RNLS: variants seen among roughly 807,000 people sequenced by gnomAD.
RNLS encodes renalase.
In RNLS, 39 loss-of-function variants were observed where a neutral mutation model predicts 39.8. That is an observed-to-expected ratio of 0.98 (90% CI 0.76 to 1.28). RNLS has a LOEUF of 1.28. Ranked by LOEUF, RNLS falls within the 50% of genes most tolerant of loss-of-function variation. RNLS has a pLI of 0.00. For missense variants in RNLS, 410 were observed against 413.3 expected, an observed-to-expected ratio of 0.99 and a Z score of 0.07; for synonymous variants, 147 against 150.7, an observed-to-expected ratio of 0.98 and a Z score of 0.18.
At chr10:88,179,844 G>T in the RNLS span, among the ~76,000 whole-genome samples, 1 of 152,310 alleles carries the variant, frequency 6.6e-6, no homozygotes, top group Non-Finnish European at 1.5e-5. Context: ...ATCCACATTT[G>T]GAGACGGACT....
In RNLS at chr10:88,284,734, A is replaced by G. The variant is rs1843152412; in HGVS notation, c.*620T>C. 2.0e-6 allele frequency: 2 copies of G among 985,250 alleles called. No individual in the cohort carries two copies. The highest frequency in any genetic ancestry group is 3.5e-5 in the African/African-American group (2 of 57,238). The allele number at this position is 985,250 out of a possible 1,614,324, so 61.0% of individuals were successfully genotyped here. A position where few individuals can be genotyped will look rare whatever the true frequency, so the allele number is the denominator to read the frequency against. On this transcript the variant is annotated 3_prime_UTR_variant, in exon 7 of 7. Transcript: ENST00000331772. ...AAAGTACTGTGTGGCTGGGAAAATC[A>G]TGTGGAATCTTATACTTTCTGAAAA...
intron 4 of RNLS, among the ~76,000 whole-genome samples, chr10:88,556,891 C>A (rs1848905425): frequency 6.6e-6 from 1 of 152,052 alleles, no homozygotes; most frequent in Non-Finnish European, 1.5e-5. Context: ...CATAGATATT[C>A]ACTTATTTTT....
chr10:88,430,605 A>G (rs1273636612), intron 4 of RNLS, among the ~76,000 whole-genome samples: 1 of 151,860 alleles, frequency 6.6e-6, no homozygotes, highest in East Asian at 1.9e-4. Context: ...TTTTTTTACT[A>G]CGAAGTATGG....
the RNLS span, among the ~76,000 whole-genome samples, chr10:88,202,961 T>A: frequency 6.6e-6 from 1 of 152,038 alleles, no homozygotes; most frequent in African/African-American, 2.4e-5. Flanking sequence ...CAGTTTAAAC[T>A]GCTCTTGGTG....
chr10:88,226,405 GAGGTCCCAGCTCCAGCTGGGACTCAAA>G, the RNLS span, among the ~76,000 whole-genome samples: 1 of 152,220 alleles, frequency 6.6e-6, no homozygotes, highest in Non-Finnish European at 1.5e-5. Context: ...TAAGACTTAT[GAGGTCCCAGCTCCAGCTGGGACTCAAA>G]ATCATGTTTC....
In RNLS at chr10:88,395,293, T is replaced by C. The variant is rs550785031; in HGVS notation, c.527-32568A>G. Reference sequence around the variant, plus strand: ...AGACATTGTACTTACTAGACAAAGATTTAAATAAGCCATTTTAGTTGCATT... The same window carrying C: ...AGACATTGTACTTACTAGACAAAGACTTAAATAAGCCATTTTAGTTGCATT... On this transcript the variant is annotated intron_variant, in intron 4 of 6. Transcript: ENST00000331772. Among the ~76,000 whole-genome samples the C allele has an allele frequency of 2.5e-4, 37 of 147,594 alleles. 1 individual carries two copies. Among genetic ancestry groups the C allele is most frequent in the Non-Finnish European group, 4.6e-4 (31 of 67,066 alleles).
chr10:88,276,976 G>A (rs533279093), intron 6 of RNLS, among the ~76,000 whole-genome samples: 2 of 152,206 alleles, frequency 1.3e-5, no homozygotes, highest in South Asian at 2.1e-4. Context: ...GGATCCTAAC[G>A]ATAGTCCTTT....
At chr10:88,361,631 A>G (rs1849649792) in intron 5 of RNLS, among the ~76,000 whole-genome samples, 1 of 152,208 alleles carries the variant, frequency 6.6e-6, no homozygotes, top group Non-Finnish European at 1.5e-5. Flanking sequence ...ACATTTTTCT[A>G]AGATCATGAG....
At chr10:88,461,477 C>A (rs761150259) in intron 4 of RNLS, among the ~76,000 whole-genome samples, 11 of 152,248 alleles carry the variant, frequency 7.2e-5, no homozygotes, top group African/African-American at 2.4e-4. Flanking sequence ...CCAGGCTGAA[C>A]GTTTCTATCC....
chr10:88,306,179 G>C (rs902220976), intron 6 of RNLS, among the ~76,000 whole-genome samples: 3 of 152,164 alleles, frequency 2.0e-5, no homozygotes, highest in Non-Finnish European at 2.9e-5. Context: ...AGCAAAGGCA[G>C]TGTTAAGAGG....
the RNLS span, among the ~76,000 whole-genome samples, chr10:88,250,358 A>C: frequency 1.3e-5 from 2 of 152,228 alleles, no homozygotes; most frequent in African/African-American, 2.4e-5. Flanking sequence ...ATTCTTTGGA[A>C]GTCTCCATGT....
the RNLS span, among the ~76,000 whole-genome samples, chr10:88,262,249 A>G: frequency 6.6e-6 from 1 of 152,126 alleles, no homozygotes; most frequent in Admixed American, 6.5e-5. Flanking sequence ...TAACAATGAG[A>G]GCAGAATGTG....
At chr10:88,421,507 A>G (rs1303124503) in intron 4 of RNLS, among the ~76,000 whole-genome samples, 1 of 152,070 alleles carries the variant, frequency 6.6e-6, no homozygotes, top group Non-Finnish European at 1.5e-5. Flanking sequence ...ATATGTGTTC[A>G]TTTCACTGCC....
chr10:88,247,416 A>C, the RNLS span, among the ~76,000 whole-genome samples: 1 of 152,334 alleles, frequency 6.6e-6, no homozygotes, highest in South Asian at 2.1e-4. Flanking sequence ...GTCAGAAAAA[A>C]TAGAATGAGT....
chr10:88,370,310 AAAAT>A (rs1237056850), intron 4 of RNLS, among the ~76,000 whole-genome samples: 2 of 152,146 alleles, frequency 1.3e-5, no homozygotes, highest in East Asian at 1.9e-4. Context: ...TGTTAATAGT[AAAAT>A]AAACACTTTT....
At chr10:88,199,304 T>A in the RNLS span, among the ~76,000 whole-genome samples, 2 of 152,168 alleles carry the variant, frequency 1.3e-5, no homozygotes, top group East Asian at 3.9e-4. Flanking sequence ...TCTTTGGGTG[T>A]GGCCTGGGGG....
chr10:88,354,334 G>A (rs1848973178), intron 5 of RNLS, among the ~76,000 whole-genome samples: 1 of 152,176 alleles, frequency 6.6e-6, no homozygotes, highest in African/African-American at 2.4e-5. Flanking sequence ...AATTTGGCAT[G>A]TTTTTGCAGT....
intron 4 of RNLS, among the ~76,000 whole-genome samples, chr10:88,424,096 T>A (rs1022961162): frequency 1.3e-5 from 2 of 152,204 alleles, no homozygotes; most frequent in African/African-American, 2.4e-5. Context: ...GATTACCACA[T>A]GGCATGATGT....
intron 4 of RNLS, among the ~76,000 whole-genome samples, chr10:88,539,562 T>C (rs1426177269): frequency 6.6e-6 from 1 of 152,132 alleles, no homozygotes; most frequent in East Asian, 1.9e-4. Context: ...GAGCTCCATA[T>C]AGCAAGGATG....
Sources: gnomAD v4.1 joint callset for allele counts (sites outside exome capture counted in the v4.1 genomes callset) on GRCh38, gnomAD v4.1.1 for gene constraint, MANE v1.5 for transcripts, NCBI Gene and HGNC (gene_info 2026-07-23, HGNC 2026-07-21) for gene names.